SGSM1: variants seen among roughly 807,000 people sequenced by gnomAD.
The protein encoded by SGSM1 is small G protein signaling modulator 1.
A neutral mutation model predicts 133.8 loss-of-function variants in SGSM1; 73 were observed. The observed-to-expected ratio is 0.55, with a 90% CI of 0.45 to 0.66. SGSM1 has a LOEUF of 0.66. SGSM1 is among the 30% of genes least tolerant of loss of function. SGSM1 has a pLI of 0.00. For synonymous variants in SGSM1, 563 were observed against 573.0 expected (o/e 0.98, Z 0.25); for missense variants, 1,213 against 1,448.1 (o/e 0.84, Z 2.64).
At chr22:24,835,841 C>T (rs58088559) in intron 2 of SGSM1, among the ~76,000 whole-genome samples, 22,749 of 151,832 alleles carry the variant, frequency 0.15, 1,961 homozygotes, top group East Asian at 0.21. Flanking sequence ...CTGGGTGAGA[C>T]GGGAGCCATG....
At chr22:24,833,551 G>A (rs1327241096) in intron 2 of SGSM1, among the ~76,000 whole-genome samples, 1 of 151,988 alleles carries the variant, frequency 6.6e-6, no homozygotes, top group Admixed American at 6.5e-5. Context: ...CCAGCTACTT[G>A]GGAGGCTGAG....
chr22:24,823,300 A>G (rs77893274), intron 2 of SGSM1, among the ~76,000 whole-genome samples: 3 of 49,770 alleles, frequency 6.0e-5, no homozygotes, highest in Admixed American at 2.4e-4. Flanking sequence ...GCATGCAGCA[A>G]ATGTTTTAAA....
At chr22:24,840,417 C>T (rs1042938738) in intron 2 of SGSM1, among the ~76,000 whole-genome samples, 1 of 152,214 alleles carries the variant, frequency 6.6e-6, no homozygotes, top group African/African-American at 2.4e-5. Context: ...GTTCTCGGCT[C>T]ACTGCAGCCT....
At chr22:24,874,869 A>G (rs899358227) in intron 12 of SGSM1, among the ~76,000 whole-genome samples, 2 of 152,218 alleles carry the variant, frequency 1.3e-5, no homozygotes, top group African/African-American at 4.8e-5. Context: ...TGCATCCCTG[A>G]GATTGGCTAA....
intron 2 of SGSM1, among the ~76,000 whole-genome samples, chr22:24,817,683 AG>A (rs1271995004): frequency 6.8e-6 from 1 of 147,444 alleles, no homozygotes; most frequent in Non-Finnish European, 1.5e-5. Flanking sequence ...AGGACCTCTA[AG>A]CAATCCACAA....
At chr22:24,848,943 C>T (rs560798660) in intron 4 of SGSM1, among the ~76,000 whole-genome samples, 1 of 152,338 alleles carries the variant, frequency 6.6e-6, no homozygotes, top group Non-Finnish European at 1.5e-5. Flanking sequence ...AATGACTTCT[C>T]AGCCAACTGT....
In SGSM1 at chr22:24,901,976, G is replaced by T; in HGVS notation, c.2735+19G>T. On this transcript the variant is annotated intron_variant, in intron 20 of 24. Transcript: ENST00000400358. ...TGTGCAGGTGGCTGGGGACAGCGAG[G>T]GGATCTAGGGGATGGGGATGGTGGG... 1 of 1,405,076 alleles carries T rather than the reference G, an allele frequency of 7.1e-7. No individual in the cohort carries two copies. Among genetic ancestry groups the T allele is most frequent in the East Asian group, 3.1e-5 (1 of 32,156 alleles). The allele number at this position is 1,405,076 out of a possible 1,614,324, so 87.0% of individuals were successfully genotyped here. A position where few individuals can be genotyped will look rare whatever the true frequency, so the allele number is the denominator to read the frequency against.
intron 8 of SGSM1, among the ~76,000 whole-genome samples, chr22:24,858,635 CAAA>C (rs139699): frequency 4.8e-5 from 4 of 82,966 alleles, no homozygotes; most frequent in Non-Finnish European, 8.2e-5. Flanking sequence ...GACTCCATCT[CAAA>C]AAAAAAAAAA....
chr22:24,878,166 A>G (rs1932128238), intron 13 of SGSM1, among the ~76,000 whole-genome samples: 1 of 152,138 alleles, frequency 6.6e-6, no homozygotes, highest in African/African-American at 2.4e-5. Context: ...AAAACATATC[A>G]GTTCCTGGAC....
chr22:24,823,067 C>G (rs1928575722), intron 2 of SGSM1, among the ~76,000 whole-genome samples: 1 of 152,098 alleles, frequency 6.6e-6, no homozygotes, highest in African/African-American at 2.4e-5. Context: ...TGAATCTTGC[C>G]CTGCCATTTC....
intron 2 of SGSM1, among the ~76,000 whole-genome samples, chr22:24,835,203 G>A (rs977878755): frequency 5.3e-5 from 8 of 152,164 alleles, no homozygotes; most frequent in African/African-American, 1.9e-4. Context: ...CAGACCAGAT[G>A]TAACTTGTTC....
intron 9 of SGSM1, among the ~76,000 whole-genome samples, chr22:24,865,116 G>A (rs1024265718): frequency 6.6e-6 from 1 of 152,226 alleles, no homozygotes; most frequent in Non-Finnish European, 1.5e-5. Flanking sequence ...TGGCCACAGA[G>A]CTCCTCCTTG....
At chr22:24,919,785 C>G in intron 23 of SGSM1, 41 bp from the exon 24 acceptor site, 1 of 1,610,232 alleles carries the variant, frequency 6.2e-7, no homozygotes, top group Non-Finnish European at 8.5e-7. Context: ...CTGTGAGCCC[C>G]GTCACCAATT....
chr22:24,860,922 A>AATATATATATATATATATATATATAT (rs1555926665), intron 9 of SGSM1, among the ~76,000 whole-genome samples: 10 of 37,602 alleles, frequency 2.7e-4, no homozygotes, highest in South Asian at 1.2e-3. Context: ...AAAAAAAAAA[A>AATATATATATATATATATATATATAT]ATATATATAT....
At chr22:24,848,550 A>T (rs1208981469) in intron 4 of SGSM1, among the ~76,000 whole-genome samples, 1 of 152,202 alleles carries the variant, frequency 6.6e-6, no homozygotes, top group African/African-American at 2.4e-5. Flanking sequence ...GAGCACCTTC[A>T]GCCAGAGCCA....
intron 23 of SGSM1, among the ~76,000 whole-genome samples, chr22:24,919,410 C>T (rs942909915): frequency 1.2e-4 from 18 of 152,062 alleles, no homozygotes; most frequent in African/African-American, 3.9e-4. Context: ...AGGCCACAGC[C>T]GGCTCTGCCA....
chr22:24,922,009 A>G (rs1482675471), intron 24 of SGSM1, among the ~76,000 whole-genome samples: 1 of 151,978 alleles, frequency 6.6e-6, no homozygotes, highest in African/African-American at 2.4e-5. Context: ...CCAATAATAC[A>G]TATATATCTA....
intron 12 of SGSM1, among the ~76,000 whole-genome samples, chr22:24,875,640 A>AG (rs1441554992): frequency 2.8e-5 from 4 of 144,872 alleles, no homozygotes; most frequent in Non-Finnish European, 4.6e-5. Context: ...ACTCCATCTC[A>AG]GAAAAAAAAA....
chr22:24,916,305 T>C (rs979195953), intron 22 of SGSM1, among the ~76,000 whole-genome samples: 5 of 152,196 alleles, frequency 3.3e-5, no homozygotes, highest in African/African-American at 1.2e-4. Context: ...AATGGAATCA[T>C]ACAATATGTG....
Sources: gnomAD v4.1 joint callset for allele counts (sites outside exome capture counted in the v4.1 genomes callset) on GRCh38, gnomAD v4.1.1 for gene constraint, MANE v1.5 for transcripts, NCBI Gene and HGNC (gene_info 2026-07-23, HGNC 2026-07-21) for gene names.